The following PRR23A variants were observed in gnomAD, a reference collection of about 807,000 sequenced individuals.
PRR23A encodes the protein proline-rich protein 23A.
For synonymous variants in PRR23A, 161 were observed against 170.6 expected (o/e 0.94, Z 0.44); for missense variants, 342 against 372.7 (o/e 0.92, Z 0.68).
At position 139,005,878 on chromosome 3, in the gene PRR23A, G is replaced by C. The variant is rs368963461; in HGVS notation, c.391C>G (p.Leu131Val). ...GLEVDVFLGA[L>V]REDVVVEQEV... is the part of the protein sequence containing the mutation. ...TGCTCAACGACGACGTCCTCCCTGA[G>C]AGCGCCCAGGAAAACGTCCACTTCC... Residue 131 changes from leucine to valine, a missense_variant, in exon 1 of 1, where the codon CTC (leucine) becomes GTC (valine). Physicochemically the swap from Leu to Val is conservative, Grantham distance 32. Coordinates refer to ENST00000383163, the MANE Select transcript of PRR23A (RefSeq NM_001134659.1). 3.0e-5 allele frequency: 49 copies of C among 1,613,472 alleles called. No individual in the cohort carries two copies. Among genetic ancestry groups the C allele is most frequent in the Middle Eastern group, 1.6e-4 (1 of 6,084 alleles).
chr3:139,004,608 T>C lies in PRR23A; in HGVS notation c.*860A>G, dbSNP rs947288135. ...ACTCCTCCTGCCTCATCCCTGCTAG[T>C]AGCTGGGATTACAGGCACACGCCAC... On this transcript the variant is annotated 3_prime_UTR_variant, in exon 1 of 1. Transcript: ENST00000383163. Among the ~76,000 whole-genome samples the C allele has an allele frequency of 2.6e-5, 4 of 152,074 alleles. No individual in the cohort carries two copies. The highest frequency in any genetic ancestry group is 9.7e-5 in the African/African-American group (4 of 41,412).
chr3:139,005,441 C>T lies in PRR23A; in HGVS notation c.*27G>A, dbSNP rs1303509779. On this transcript the variant is annotated 3_prime_UTR_variant, in exon 1 of 1. Coordinates refer to ENST00000383163, the MANE Select transcript of PRR23A (RefSeq NM_001134659.1). Reference sequence around the variant, plus strand: ...TGGAGGATCCACAAGAACCCGCAGCCGGTGGCAAGGGATTGTGGGAAGCAG... The same window carrying T: ...TGGAGGATCCACAAGAACCCGCAGCTGGTGGCAAGGGATTGTGGGAAGCAG... 1 of 1,470,558 alleles carries T rather than the reference C, an allele frequency of 6.8e-7. No individual in the cohort carries two copies. The highest frequency in any genetic ancestry group is 2.5e-5 in the East Asian group (1 of 40,444). The allele number at this position is 1,470,558 out of a possible 1,614,324, so 91.1% of individuals were successfully genotyped here.
rs1478361662 is a variant in PRR23A, at chr3:139,005,705, G to T, written c.564C>A (p.Ser188Arg). 3.1e-6 allele frequency: 5 copies of T among 1,613,844 alleles called. No homozygotes were observed. Reference sequence around the variant, plus strand: ...CTGGGATGGGGCCCTCCCGGTAGGGGCTGAACATACTTCTGGCGGAGGAGT... The same window carrying T: ...CTGGGATGGGGCCCTCCCGGTAGGGTCTGAACATACTTCTGGCGGAGGAGT... ...GLYSSARSMF[S>R]PYREGPIPEP... Residue 188 changes from serine to arginine, a missense_variant, in exon 1 of 1, where the codon AGC becomes AGA. Ser to Arg is a moderately radical substitution (Grantham distance 110). Coordinates refer to ENST00000383163, the MANE Select transcript of PRR23A (RefSeq NM_001134659.1).
At position 139,004,527 on chromosome 3, in the gene PRR23A, T is replaced by G. The variant is rs1263717650; in HGVS notation, c.*941A>C. Among the ~76,000 whole-genome samples, 2 of 151,884 alleles carry G rather than the reference T, an allele frequency of 1.3e-5. No individual in the cohort carries two copies. The highest frequency in any genetic ancestry group is 2.9e-5 in the Non-Finnish European group (2 of 67,942). ...TGGAGTCTCACTCTGTTGCCCAGGC[T>G]GGAGTGCAATGGCACGATCTCGGCT... is the stretch of plus-strand genomic sequence containing the variant. On this transcript the variant is annotated 3_prime_UTR_variant, in exon 1 of 1. Coordinates refer to ENST00000383163, the MANE Select transcript of PRR23A (RefSeq NM_001134659.1).
At position 139,005,526 on chromosome 3, in the gene PRR23A, T is replaced by A; in HGVS notation, c.743A>T (p.His248Leu). ...CGGAGGGCGTTTCGGGAGCGGCGGGTGCGCGTGGGGACCTGGACTCCCCAC... is the reference window on the plus strand; with the variant it reads ...CGGAGGGCGTTTCGGGAGCGGCGGGAGCGCGTGGGGACCTGGACTCCCCAC... ...PRVGSPGPHA[H>L]PPLPKRPPCK... The change falls in exon 1 of 1, where the codon CAC becomes CTC. Residue 248 changes from histidine (H) to leucine (L), a missense_variant. By Grantham distance (99) the His-to-Leu change is moderately conservative. Coordinates refer to ENST00000383163, the MANE Select transcript of PRR23A (RefSeq NM_001134659.1). 6.7e-7 allele frequency: 1 copy of A among 1,494,270 alleles called. No individual in the cohort carries two copies. Among genetic ancestry groups the A allele is most frequent in the Non-Finnish European group, 8.9e-7 (1 of 1,126,858 alleles). The allele number at this position is 1,494,270 out of a possible 1,614,324, so 92.6% of individuals were successfully genotyped here.
chr3:139,005,786 G>T lies in PRR23A; in HGVS notation c.483C>A (p.Asp161Glu), dbSNP rs767377204. The T allele has an allele frequency of 6.8e-6, 11 of 1,613,738 alleles. No individual in the cohort carries two copies. In the African/African-American group the frequency reaches 1.3e-4, roughly 20 times the overall value. Residue 161 changes from aspartate to glutamate, a missense_variant, in exon 1 of 1, where the codon GAC (aspartate) becomes GAA (glutamate). Coordinates refer to ENST00000383163, the MANE Select transcript of PRR23A (RefSeq NM_001134659.1). Reference protein sequence around the residue: ...AQEEAYEEDADPEFPELQMDS... With the variant: ...AQEEAYEEDAEPEFPELQMDS... ...CCATCTGGAGCTCCGGAAACTCGGG[G>T]TCCGCGTCCTCCTCGTAGGCCTCTT...
In PRR23A at chr3:139,005,426, A is replaced by C. The variant is rs540539328; in HGVS notation, c.*42T>G. 2.5e-4 allele frequency: 364 copies of C among 1,454,670 alleles called. No homozygotes were observed. Among genetic ancestry groups the C allele is most frequent in the Non-Finnish European group, 3.1e-4 (345 of 1,099,224 alleles). 90.1% of individuals were successfully genotyped at this position (1,454,670 alleles called of 1,614,324 possible). A position where few individuals can be genotyped will look rare whatever the true frequency, so the allele number is the denominator to read the frequency against. ...CCTCACAGTGAGTCTTGGAGGATCCACAAGAACCCGCAGCCGGTGGCAAGG... is the reference window on the plus strand; with the variant it reads ...CCTCACAGTGAGTCTTGGAGGATCCCCAAGAACCCGCAGCCGGTGGCAAGG... On this transcript the variant is annotated 3_prime_UTR_variant, in exon 1 of 1. Coordinates refer to ENST00000383163, the MANE Select transcript of PRR23A (RefSeq NM_001134659.1).
Position 139,006,046 on chromosome 3 carries a change from C to A in PRR23A, c.223G>T (p.Asp75Tyr), listed in dbSNP as rs2107764670. Reference sequence around the variant, plus strand: ...GGGAGCTCCAGCACCAGGTCGACGTCGTCCAGGGGCACACGCAGGGCACAG... The same window carrying A: ...GGGAGCTCCAGCACCAGGTCGACGTAGTCCAGGGGCACACGCAGGGCACAG... The part of the protein sequence containing the change: ...AGCALRVPLD[D>Y]VDLVLELPPT... Residue 75 changes from aspartate to tyrosine, a missense_variant, in exon 1 of 1, where the codon GAC becomes TAC. Coordinates refer to ENST00000383163, the MANE Select transcript of PRR23A (RefSeq NM_001134659.1). 6.2e-7 allele frequency: 1 copy of A among 1,604,948 alleles called. No homozygotes were observed. The highest frequency in any genetic ancestry group is 8.5e-7 in the Non-Finnish European group (1 of 1,176,152).
rs1491143045 is a variant in PRR23A at position 139,005,058 on chromosome 3, AAG to A, written c.*408_*409del. Among the ~76,000 whole-genome samples, 3 of 152,156 alleles carry A rather than the reference AAG, an allele frequency of 2.0e-5. No homozygotes were observed. Among genetic ancestry groups the A allele is most frequent in the Non-Finnish European group, 2.9e-5 (2 of 68,022 alleles). On this transcript the variant is annotated 3_prime_UTR_variant, in exon 1 of 1. Coordinates refer to ENST00000383163, the MANE Select transcript of PRR23A (RefSeq NM_001134659.1). The stretch of plus-strand genomic sequence containing the variant: ...TAGGTGTATGGAAGTGATAAAAAAA[AAG>A]GGGGGAATTTTAAAGAAAACTGAAG...
rs1936774262 is a variant in PRR23A at position 139,006,040 on chromosome 3, C to T, written c.229G>A (p.Asp77Asn). The T allele has an allele frequency of 3.1e-6, 5 of 1,606,880 alleles. No homozygotes were observed. The highest frequency in any genetic ancestry group is 4.2e-6 in the Non-Finnish European group (5 of 1,177,090). Residue 77 changes from aspartate to asparagine, a missense_variant, in exon 1 of 1, where the codon GAC becomes AAC. Asp to Asn is a conservative substitution (Grantham distance 23). Coordinates refer to ENST00000383163, the MANE Select transcript of PRR23A (RefSeq NM_001134659.1). ...GTTGGCGGGAGCTCCAGCACCAGGTCGACGTCGTCCAGGGGCACACGCAGG... is the reference window on the plus strand; with the variant it reads ...GTTGGCGGGAGCTCCAGCACCAGGTTGACGTCGTCCAGGGGCACACGCAGG... ...CALRVPLDDV[D>N]LVLELPPTSI...
Position 139,006,184 on chromosome 3 carries a change from G to T in PRR23A, c.85C>A (p.Leu29Ile). ...QPGGPGPAKR[L>I]RLEEPAGPEP... ...GGGCCCGCGGGCTCCTCCAATCGGA[G>T]GCGCTTGGCAGGGCCGGGTCCTCCT... Residue 29 changes from leucine (L) to isoleucine (I), a missense_variant, in exon 1 of 1, where the codon CTC becomes ATC. Leu to Ile is a conservative substitution (Grantham distance 5). Transcript: ENST00000383163. The T allele has an allele frequency of 6.5e-7, 1 of 1,548,602 alleles. No individual in the cohort carries two copies. Among genetic ancestry groups the T allele is most frequent in the Non-Finnish European group, 8.7e-7 (1 of 1,148,318 alleles).
Position 139,005,017 on chromosome 3 carries a change from G to T in PRR23A, c.*451C>A, listed in dbSNP as rs143202286. On this transcript the variant is annotated 3_prime_UTR_variant, in exon 1 of 1. Transcript: ENST00000383163. ...AAAAAGAAGGAAAGACAATGATCTG[G>T]ATTGGAGAGAACGGATAGGTGTATG... 6.6e-6 allele frequency among the ~76,000 whole-genome samples: 1 copy of T among 152,102 alleles called. No homozygotes were observed. The highest frequency in any genetic ancestry group is 1.5e-5 in the Non-Finnish European group (1 of 68,026).
At position 139,005,357 on chromosome 3, in the gene PRR23A, G is replaced by A. The variant is rs1328511886; in HGVS notation, c.*111C>T. ...CCAAACAACAGTAATCCAACTGCCC[G>A]CTGTCGATGAATGAAGATGCTGCAT... On this transcript the variant is annotated 3_prime_UTR_variant, in exon 1 of 1. Transcript: ENST00000383163. 6 of 1,011,132 alleles carry A rather than the reference G, an allele frequency of 5.9e-6. No individual in the cohort carries two copies. Among genetic ancestry groups the A allele is most frequent in the Non-Finnish European group, 6.9e-6 (5 of 720,990 alleles). 62.6% of individuals were successfully genotyped at this position (1,011,132 alleles called of 1,614,324 possible). A position where few individuals can be genotyped will look rare whatever the true frequency, so the allele number is the denominator to read the frequency against.
chr3:139,005,516 G>C lies in PRR23A; in HGVS notation c.753C>G (p.Leu251=), dbSNP rs1936762677. ...GSPGPHAHPP[L]PKRPPCKARR... ...GGGCCTTGCACGGAGGGCGTTTCGGGAGCGGCGGGTGCGCGTGGGGACCTG... is the reference window on the plus strand; with the variant it reads ...GGGCCTTGCACGGAGGGCGTTTCGGCAGCGGCGGGTGCGCGTGGGGACCTG... Residue 251 remains leucine, a synonymous_variant, in exon 1 of 1, where the codon CTC becomes CTG. Coordinates refer to ENST00000383163, the MANE Select transcript of PRR23A (RefSeq NM_001134659.1). The C allele has an allele frequency of 1.3e-6, 2 of 1,498,400 alleles. No homozygotes were observed. The highest frequency in any genetic ancestry group is 1.8e-6 in the Non-Finnish European group (2 of 1,126,812). 92.8% of individuals were successfully genotyped at this position (1,498,400 alleles called of 1,614,324 possible).
At position 139,004,274 on chromosome 3, in the gene PRR23A, C is replaced by A. The variant is rs1936742924; in HGVS notation, c.*1194G>T. On this transcript the variant is annotated 3_prime_UTR_variant, in exon 1 of 1. Coordinates refer to ENST00000383163, the MANE Select transcript of PRR23A (RefSeq NM_001134659.1). The stretch of plus-strand genomic sequence containing the variant: ...AAAAAACTCTCAAAAATAAATTAGA[C>A]CAAATGTCCATGCGGTGAAGGTGAG... Among the ~76,000 whole-genome samples the A allele has an allele frequency of 6.6e-6, 1 of 151,928 alleles. No individual in the cohort carries two copies. Among genetic ancestry groups the A allele is most frequent in the African/African-American group, 2.4e-5 (1 of 41,326 alleles).
Position 139,005,751 on chromosome 3 carries a change from G to T in PRR23A, c.518C>A (p.Ala173Asp), listed in dbSNP as rs1010458956. 5.6e-6 allele frequency: 9 copies of T among 1,613,502 alleles called. No individual in the cohort carries two copies. The highest frequency in any genetic ancestry group is 2.7e-5 in the African/African-American group (2 of 74,918). Residue 173 changes from alanine to aspartate, a missense_variant, in exon 1 of 1, where the codon GCC becomes GAC. Ala to Asp is a moderately radical substitution (Grantham distance 126, BLOSUM62 -2). Transcript: ENST00000383163. The stretch of plus-strand genomic sequence containing the variant: ...GGAGTAGAGCCCAGCGGCTGAGCCG[G>T]CTGCGGAGTCCATCTGGAGCTCCGG... ...EFPELQMDSA[A>D]GSAAGLYSSA...
chr3:139,005,800 C>T lies in PRR23A; in HGVS notation c.469G>A (p.Glu157Lys), dbSNP rs1559935394. 1.4e-5 allele frequency: 23 copies of T among 1,613,720 alleles called. No homozygotes were observed. Among genetic ancestry groups the T allele is most frequent in the Non-Finnish European group, 1.9e-5 (23 of 1,179,698 alleles). The change falls in exon 1 of 1, where the codon GAG (glutamate) becomes AAG (lysine). Residue 157 changes from glutamate to lysine, a missense_variant. Coordinates refer to ENST00000383163, the MANE Select transcript of PRR23A (RefSeq NM_001134659.1). ...GGAAACTCGGGGTCCGCGTCCTCCT[C>T]GTAGGCCTCTTCCTGGGCGGCGATC... The part of the protein sequence containing the change: ...PEIAAQEEAY[E>K]EDADPEFPEL...
chr3:139,005,146 C>T lies in PRR23A; in HGVS notation c.*322G>A, dbSNP rs1243425179. 6.6e-6 allele frequency among the ~76,000 whole-genome samples: 1 copy of T among 152,134 alleles called. No homozygotes were observed. Among genetic ancestry groups the T allele is most frequent in the Non-Finnish European group, 1.5e-5 (1 of 68,030 alleles). ...TACAGTTGGCTGAAGGTGACAAAGG[C>T]AGAAGTAACAGCTCCTGCAGCAAAG... On this transcript the variant is annotated 3_prime_UTR_variant, in exon 1 of 1. Coordinates refer to ENST00000383163, the MANE Select transcript of PRR23A (RefSeq NM_001134659.1).
In PRR23A at chr3:139,004,212, C is replaced by G. The variant is rs144591279; in HGVS notation, c.*1256G>C. On this transcript the variant is annotated 3_prime_UTR_variant, in exon 1 of 1. Transcript: ENST00000383163. ...TTAAGGAAATAATACTAAGAAATAA[C>G]GACTGCCAATTCAGGGTGATGGACT... Among the ~76,000 whole-genome samples the G allele has an allele frequency of 5.5e-3, 838 of 152,024 alleles. 4 individuals are homozygous for G. Among genetic ancestry groups the G allele is most frequent in the Non-Finnish European group, 9.8e-3 (666 of 67,978 alleles).
Sources: gnomAD v4.1 joint callset for allele counts (sites outside exome capture counted in the v4.1 genomes callset) on GRCh38, gnomAD v4.1.1 for gene constraint, MANE v1.5 for transcripts, NCBI Gene and HGNC (gene_info 2026-07-23, HGNC 2026-07-21) for gene names.